Variants in KDM2A observed in about 807,000 individuals in gnomAD.
KDM2A encodes the protein lysine-specific demethylase 2A.
KDM2A carries 3 observed loss-of-function variants against 137.3 expected under a neutral mutation model. That is an observed-to-expected ratio of 0.02 (90% CI 0.01 to 0.06). KDM2A has a LOEUF of 0.06. KDM2A is among the 10% of genes least tolerant of loss of function. The pLI is 1.00. For synonymous variants in KDM2A, 512 were observed against 541.5 expected (o/e 0.95, Z 0.76); for missense variants, 738 against 1,510.6 (o/e 0.49, Z 8.48).
At chr11:67,130,203 G>A (rs1350126009) in intron 2 of KDM2A, among the ~76,000 whole-genome samples, 2 of 151,836 alleles carry the variant, frequency 1.3e-5, no homozygotes, top group East Asian at 3.9e-4. Flanking sequence ...AAACCCAAGA[G>A]AGAGCAGTTT....
chr11:67,245,852 C>A lies in KDM2A; in HGVS notation c.1834-133C>A. 1 of 1,066,514 alleles carries A rather than the reference C, an allele frequency of 9.4e-7. No individual in the cohort carries two copies. Among genetic ancestry groups the A allele is most frequent in the Non-Finnish European group, 1.3e-6 (1 of 747,026 alleles). 66.1% of individuals were successfully genotyped at this position (1,066,514 alleles called of 1,614,324 possible). The stretch of plus-strand genomic sequence containing the variant: ...TCCTACCCAAAACCTCCGTTCTCTC[C>A]ACCCTGCCTCCATGCTTCCAGGTGT... On this transcript the variant is annotated intron_variant, in intron 14 of 20. Coordinates refer to ENST00000529006, the MANE Select transcript of KDM2A (RefSeq NM_012308.3). The surrounding 1 kb of genome is among the most constrained non-coding windows in gnomAD (Gnocchi z 4.1).
intron 5 of KDM2A, among the ~76,000 whole-genome samples, chr11:67,186,061 A>G (rs1487465684): frequency 1.3e-5 from 2 of 152,148 alleles, no homozygotes; most frequent in Non-Finnish European, 2.9e-5. Flanking sequence ...GAAAATAGAA[A>G]GGAGCAGAGA....
rs141890698 is a variant in KDM2A, at chr11:67,251,856, C to T, written c.2769-838C>T. 1.2e-3 allele frequency among the ~76,000 whole-genome samples: 186 copies of T among 152,294 alleles called. 1 individual carries two copies. The highest frequency in any genetic ancestry group is 2.4e-3 in the Non-Finnish European group (164 of 68,020). On this transcript the variant is annotated intron_variant, in intron 17 of 20. Transcript: ENST00000529006. ...AAATCTGAATTAATGTATAGTGTATCTAAATTCTCCTTAATATTTCTCTGT... is the reference window on the plus strand; with the variant it reads ...AAATCTGAATTAATGTATAGTGTATTTAAATTCTCCTTAATATTTCTCTGT...
At position 67,122,861 on chromosome 11, in the gene KDM2A, G is replaced by A. The variant is rs895519173; in HGVS notation, c.42+1503G>A. On this transcript the variant is annotated intron_variant, in intron 2 of 20. Transcript: ENST00000529006. ...CAGCTAATTTTTTGTACTTTTAGTA[G>A]AGACGGGGTTTCACTGTGTTAGCCA... is the stretch of plus-strand genomic sequence containing the variant. 1.3e-4 allele frequency among the ~76,000 whole-genome samples: 19 copies of A among 151,466 alleles called. No individual in the cohort carries two copies. The East Asian group carries it at 3.7e-3, about 30-fold the overall frequency.
chr11:67,248,296 T>C lies in KDM2A; in HGVS notation c.1981T>C (p.Leu661=). The C allele has an allele frequency of 6.2e-7, 1 of 1,607,142 alleles. No homozygotes were observed. The highest frequency in any genetic ancestry group is 8.5e-7 in the Non-Finnish European group (1 of 1,176,710). The change falls in exon 16 of 21, where the codon TTG becomes CTG. Residue 661 remains leucine, a synonymous_variant. Coordinates refer to ENST00000529006, the MANE Select transcript of KDM2A (RefSeq NM_012308.3). ...PGCLQMDGEG[L]LNEELPNCWE... is the part of the protein sequence containing the mutation. ...CTTCCTATAGATGGACGGAGAGGGGTTGCTTAACGAAGAATTGCCAAATTG... is the reference window on the plus strand; with the variant it reads ...CTTCCTATAGATGGACGGAGAGGGGCTGCTTAACGAAGAATTGCCAAATTG...
At chr11:67,171,313 A>G (rs1425386514) in intron 2 of KDM2A, among the ~76,000 whole-genome samples, 1 of 152,210 alleles carries the variant, frequency 6.6e-6, no homozygotes, top group Admixed American at 6.5e-5. Context: ...GAAATTAGAT[A>G]GTCTTTGAAT....
At chr11:67,142,172 G>T (rs1240933672) in intron 2 of KDM2A, among the ~76,000 whole-genome samples, 3 of 151,572 alleles carry the variant, frequency 2.0e-5, no homozygotes, top group African/African-American at 7.3e-5. Flanking sequence ...CTGAGTAATG[G>T]TTTACAGGTG....
rs1307788775 is a variant in KDM2A at position 67,146,370 on chromosome 11, A to C, written c.42+25012A>C. ...TTGTCTTTTTACTTACTTTTTATAGATCCTGAGGGCAAAAATCATGGCAGT... is the reference window on the plus strand; with the variant it reads ...TTGTCTTTTTACTTACTTTTTATAGCTCCTGAGGGCAAAAATCATGGCAGT... On this transcript the variant is annotated intron_variant, in intron 2 of 20. Transcript: ENST00000529006. Among the ~76,000 whole-genome samples, 4 of 152,152 alleles carry C rather than the reference A, an allele frequency of 2.6e-5. No homozygotes were observed. In the East Asian group the frequency reaches 7.7e-4, roughly 29 times the overall value.
At chr11:67,193,598 C>T (rs1857407691) in intron 5 of KDM2A, among the ~76,000 whole-genome samples, 2 of 152,122 alleles carry the variant, frequency 1.3e-5, no homozygotes, top group South Asian at 2.1e-4. Flanking sequence ...TGGTGGCTCA[C>T]GCCTGTAATC....
At position 67,250,658 on chromosome 11, in the gene KDM2A, C is replaced by A. The variant is rs752658983; in HGVS notation, c.2628C>A (p.Ala876=). ...EDDSAEEGGA[A]RLNGRGSWAQ... ...ACAGTGCAGAGGAGGGGGGTGCAGCCAGGCTGAATGGCCGGGGCAGTTGGG... is the reference window on the plus strand; with the variant it reads ...ACAGTGCAGAGGAGGGGGGTGCAGCAAGGCTGAATGGCCGGGGCAGTTGGG... The change falls in exon 17 of 21, where the codon GCC becomes GCA. Residue 876 remains alanine, a synonymous_variant. Transcript: ENST00000529006. This position sits in a 1 kb window ranked among gnomAD's most constrained non-coding sequence, Gnocchi z 7.1. 6.2e-7 allele frequency: 1 copy of A among 1,607,802 alleles called. No homozygotes were observed. The highest frequency in any genetic ancestry group is 1.1e-5 in the South Asian group (1 of 90,386).
intron 6 of KDM2A, among the ~76,000 whole-genome samples, chr11:67,209,432 TTTATTATTA>T (rs371101361): frequency 6.7e-6 from 1 of 149,940 alleles, no homozygotes; most frequent in African/African-American, 2.4e-5. Flanking sequence ...AGAATTTTAT[TTTATTATTA>T]TTATTATTAT....
intron 2 of KDM2A, among the ~76,000 whole-genome samples, chr11:67,140,406 G>A (rs1022415165): frequency 1.3e-5 from 2 of 151,544 alleles, no homozygotes; most frequent in African/African-American, 4.8e-5. Context: ...AATATAGGTC[G>A]GAAGACCACC....
intron 2 of KDM2A, among the ~76,000 whole-genome samples, chr11:67,128,263 C>T (rs1855777225): frequency 6.6e-6 from 1 of 152,010 alleles, no homozygotes; most frequent in Non-Finnish European, 1.5e-5. Context: ...TGCCTGGAGG[C>T]CTCTCCAGCC....
chr11:67,164,464 G>A (rs572793019), intron 2 of KDM2A, among the ~76,000 whole-genome samples: 7 of 151,946 alleles, frequency 4.6e-5, no homozygotes, highest in Non-Finnish European at 8.8e-5. Context: ...TGTTGATCTT[G>A]CTATTGGCCT....
chr11:67,134,999 A>G (rs1023293244), intron 2 of KDM2A, among the ~76,000 whole-genome samples: 3 of 152,082 alleles, frequency 2.0e-5, no homozygotes, highest in African/African-American at 4.8e-5. Context: ...GCAAAGATCA[A>G]CTTATTTCGG....
chr11:67,121,797 G>A (rs984265009), intron 2 of KDM2A, among the ~76,000 whole-genome samples: 2 of 152,092 alleles, frequency 1.3e-5, no homozygotes, highest in Non-Finnish European at 2.9e-5. Flanking sequence ...GGAGAACTAT[G>A]GATTATTTTC....
chr11:67,254,358 A>G lies in KDM2A; in HGVS notation c.3247A>G (p.Asn1083Asp), dbSNP rs1423804414. Residue 1083 changes from asparagine (N) to aspartate (D), a missense_variant, in exon 20 of 21, where the codon AAT becomes GAT. Physicochemically the swap from Asn to Asp is conservative, Grantham distance 23. Around this residue, in one of 9 missense-constraint regions of KDM2A, gnomAD observed 166 missense variants for 324.0 expected, o/e 0.51. Coordinates refer to ENST00000529006, the MANE Select transcript of KDM2A (RefSeq NM_012308.3). This position sits in a 1 kb window ranked among gnomAD's most constrained non-coding sequence, Gnocchi z 4.7. Reference sequence around the variant, plus strand: ...CAGCCACCTTACAGATCAGTCCTCCAATCTACTCACTGCTGTCGGGTCTTC... The same window carrying G: ...CAGCCACCTTACAGATCAGTCCTCCGATCTACTCACTGCTGTCGGGTCTTC... ...HCSHLTDQSS[N>D]LLTAVGSSTR... 6.2e-7 allele frequency: 1 copy of G among 1,613,932 alleles called. No homozygotes were observed. Among genetic ancestry groups the G allele is most frequent in the East Asian group, 2.2e-5 (1 of 44,886 alleles).
chr11:67,220,200 T>G (rs1858303039), intron 10 of KDM2A, among the ~76,000 whole-genome samples: 1 of 151,756 alleles, frequency 6.6e-6, no homozygotes, highest in African/African-American at 2.4e-5. Context: ...TTTTTGGAGA[T>G]GGGTTTTTGC....
Position 67,151,647 on chromosome 11 carries a change from C to T in KDM2A, c.43-28432C>T, listed in dbSNP as rs573378822. ...ATTAACAGGTATAAGCCACTGGACCCGGCCTCAAATCCTGAAGACTTGGTA... is the reference window on the plus strand; with the variant it reads ...ATTAACAGGTATAAGCCACTGGACCTGGCCTCAAATCCTGAAGACTTGGTA... On this transcript the variant is annotated intron_variant, in intron 2 of 20. Transcript: ENST00000529006. 1.3e-4 allele frequency among the ~76,000 whole-genome samples: 20 copies of T among 152,220 alleles called. No individual in the cohort carries two copies. The South Asian group carries it at 2.9e-3, about 22-fold the overall frequency.
Sources: allele counts gnomAD v4.1 joint callset (sites outside exome capture counted in the v4.1 genomes callset), GRCh38; gene constraint gnomAD v4.1.1; regional missense constraint gnomAD v4.1.1; non-coding constraint Gnocchi (gnomAD v3.1); transcripts MANE v1.5; gene names NCBI Gene and HGNC (gene_info 2026-07-23, HGNC 2026-07-21).